The following CEP295 variants were observed in gnomAD, a reference collection of about 807,000 sequenced individuals.
CEP295 encodes centrosomal protein 295, also known as centrosomal protein of 295 kDa.
Under a neutral mutation model 291.6 loss-of-function variants are expected in CEP295, and 190 were observed. The observed-to-expected ratio is 0.65, with a 90% CI of 0.58 to 0.73. The LOEUF (loss-of-function observed/expected upper bound fraction) is 0.73, where lower values mean the gene tolerates loss of function less well. Ranked by LOEUF, CEP295 falls within the 30% of genes least tolerant of loss-of-function variation. The pLI is 0.00. For missense variants in CEP295, 2,863 were observed against 2,949.4 expected (o/e 0.97, Z 0.68); for synonymous variants, 993 against 1,038.8 (o/e 0.96, Z 0.85).
At chr11:93,710,857 A>G (rs181817796) in intron 18 of CEP295, among the ~76,000 whole-genome samples, 4 of 152,304 alleles carry the variant, frequency 2.6e-5, no homozygotes, top group Admixed American at 2.6e-4. Context: ...GTATGTGTCT[A>G]GGAATTTATT....
intron 12 of CEP295, among the ~76,000 whole-genome samples, chr11:93,693,880 A>G (rs952243886): frequency 6.6e-6 from 1 of 152,402 alleles, no homozygotes; most frequent in East Asian, 1.9e-4. Flanking sequence ...TGTTAGCCAC[A>G]TGGGCTGTTG....
intron 18 of CEP295, among the ~76,000 whole-genome samples, chr11:93,719,366 C>G (rs1367171313): frequency 6.6e-6 from 1 of 151,546 alleles, no homozygotes; most frequent in Non-Finnish European, 1.5e-5. Context: ...ATCCTGGGCT[C>G]AAACCATCCG....
At chr11:93,668,003 A>G (rs1950265717) in intron 3 of CEP295, among the ~76,000 whole-genome samples, 196 bp downstream of exon 3, 1 of 149,364 alleles carries the variant, frequency 6.7e-6, no homozygotes, top group Non-Finnish European at 1.5e-5. Flanking sequence ...AGTAAAATCC[A>G]TGTCAAATAA....
chr11:93,694,209 G>A (rs1264959232), intron 12 of CEP295, among the ~76,000 whole-genome samples: 1 of 152,116 alleles, frequency 6.6e-6, no homozygotes, highest in African/African-American at 2.4e-5. Flanking sequence ...AGAAAACAAC[G>A]TGCATTCCTT....
intron 15 of CEP295, among the ~76,000 whole-genome samples, chr11:93,701,430 C>G (rs1952150493): frequency 1.3e-5 from 2 of 152,108 alleles, no homozygotes; most frequent in African/African-American, 4.8e-5. Flanking sequence ...TTCTACAAAT[C>G]CTTTGATGTC....
intron 21 of CEP295, chr11:93,723,685 T>G (rs1953925108): frequency 6.1e-6 from 1 of 165,176 alleles, no homozygotes; most frequent in Admixed American, 6.0e-5. Flanking sequence ...TATTATAGAT[T>G]AAATGAGATA....
At chr11:93,682,596 TA>T (rs76550881) in intron 7 of CEP295, among the ~76,000 whole-genome samples, 53,314 of 149,200 alleles carry the variant, frequency 0.36, 9,897 homozygotes, top group South Asian at 0.49. Context: ...AGAAGGTTGT[TA>T]AAAAAAAAAA....
chr11:93,671,473 G>C (rs1350902916), intron 5 of CEP295, among the ~76,000 whole-genome samples: 1 of 152,068 alleles, frequency 6.6e-6, no homozygotes, highest in Non-Finnish European at 1.5e-5. Flanking sequence ...TCCTTGCTCT[G>C]TGCCCCAGCA....
At chr11:93,684,296 A>T (rs1023741067) in intron 9 of CEP295, among the ~76,000 whole-genome samples, 168 bp downstream of exon 9, 3 of 152,230 alleles carry the variant, frequency 2.0e-5, no homozygotes, top group African/African-American at 7.2e-5. Context: ...ATCATTGACG[A>T]TCCTTTTTCA....
rs553083646 is a variant in CEP295, at chr11:93,690,635, G to A, written c.1337-1048G>A. ...TAGTCCCAGCTACTCGGGAGCATGAGGCAGGAGAATGGTGTAAACCAGAGG... is the reference window on the plus strand; with the variant it reads ...TAGTCCCAGCTACTCGGGAGCATGAAGCAGGAGAATGGTGTAAACCAGAGG... On this transcript the variant is annotated intron_variant, in intron 10 of 29. Coordinates refer to ENST00000325212, the MANE Select transcript of CEP295 (RefSeq NM_033395.2). Among the ~76,000 whole-genome samples the A allele has an allele frequency of 3.3e-5, 5 of 150,436 alleles. No homozygotes were observed. The East Asian group carries it at 9.8e-4, about 30-fold the overall frequency.
chr11:93,707,744 G>A lies in CEP295; in HGVS notation c.5749+847G>A, dbSNP rs556082962. 5.3e-5 allele frequency among the ~76,000 whole-genome samples: 8 copies of A among 151,480 alleles called. 1 individual carries two copies. The East Asian group carries it at 1.2e-3, about 22-fold the overall frequency. On this transcript the variant is annotated intron_variant, in intron 18 of 29. Coordinates refer to ENST00000325212, the MANE Select transcript of CEP295 (RefSeq NM_033395.2). The stretch of plus-strand genomic sequence containing the variant: ...AGCCTGGGCGACAGAGCGAGACTCC[G>A]AGACTCCATCTGAAAAAAAAAAAGA...
In CEP295 at chr11:93,725,728, G is replaced by T; in HGVS notation, c.6396G>T (p.Arg2132Ser). 1 of 1,551,772 alleles carries T rather than the reference G, an allele frequency of 6.4e-7. No individual in the cohort carries two copies. Among genetic ancestry groups the T allele is most frequent in the Non-Finnish European group, 8.7e-7 (1 of 1,146,946 alleles). ...KSTVYFTALRRTSMHSSLNTS... is the reference protein window; with the variant it reads ...KSTVYFTALRSTSMHSSLNTS... Reference sequence around the variant, plus strand: ...CAGTTTATTTCACAGCACTGAGGAGGACCAGCATGCATTCTTCTCTTAACA... The same window carrying T: ...CAGTTTATTTCACAGCACTGAGGAGTACCAGCATGCATTCTTCTCTTAACA... The change falls in exon 23 of 30, where the codon AGG (arginine) becomes AGT (serine). Residue 2132 changes from arginine (R) to serine (S), a missense_variant. Physicochemically the swap from Arg to Ser is moderately radical, Grantham distance 110. Transcript: ENST00000325212.
chr11:93,725,080 TC>T (rs1168827197), intron 22 of CEP295, among the ~76,000 whole-genome samples: 1 of 151,466 alleles, frequency 6.6e-6, no homozygotes. Flanking sequence ...CATGGTGAAA[TC>T]CCATCTCTAC....
chr11:93,706,899 T>TG lies in CEP295; in HGVS notation c.5749+3dup, dbSNP rs1952546325. On this transcript the variant is annotated splice_region_variant and intron_variant, in intron 18 of 29. Transcript: ENST00000325212. ...GTGGTGATGACTATGATGAAGCAGG[T>TG]GAGAAATAAATGGAAAGTGGAATTG... 6.6e-7 allele frequency: 1 copy of TG among 1,526,592 alleles called. No individual in the cohort carries two copies. The highest frequency in any genetic ancestry group is 8.8e-7 in the Non-Finnish European group (1 of 1,133,516). 94.6% of individuals were successfully genotyped at this position (1,526,592 alleles called of 1,614,324 possible). A position where few individuals can be genotyped will look rare whatever the true frequency, so the allele number is the denominator to read the frequency against.
At chr11:93,716,758 A>C (rs1409393596) in intron 18 of CEP295, among the ~76,000 whole-genome samples, 2 of 152,272 alleles carry the variant, frequency 1.3e-5, no homozygotes, top group African/African-American at 2.4e-5. Flanking sequence ...TCAGGATTGC[A>C]CATGACCATC....
Position 93,727,001 on chromosome 11 carries a change from T to G in CEP295, c.6525T>G (p.Leu2175=), listed in dbSNP as rs1422783267. 2.6e-6 allele frequency: 4 copies of G among 1,536,802 alleles called. No homozygotes were observed. The Admixed American group carries it at 6.3e-5, about 24-fold the overall frequency. ...IGGSEQCFEQ[L]QPEYSSQEES... ...GATCTGAACAATGTTTTGAACAGCT[T>G]CAGCCAGAATATTCTTCACAGGAGG... The change falls in exon 24 of 30, where the codon CTT becomes CTG. Residue 2175 remains leucine, a synonymous_variant. Transcript: ENST00000325212.
At chr11:93,702,401 A>C (rs1952222582) in intron 15 of CEP295, 59 bp from the exon 16 acceptor site, 2 of 1,175,604 alleles carry the variant, frequency 1.7e-6, no homozygotes, top group Non-Finnish European at 2.3e-6. Context: ...AATCTAATGA[A>C]TAATGCTTCA....
chr11:93,667,933 T>C (rs1950262671), intron 3 of CEP295, 126 bp downstream of exon 3: 2 of 651,870 alleles, frequency 3.1e-6, no homozygotes, highest in South Asian at 4.3e-5. Context: ...GCTTGAACTT[T>C]TTTATAAATT....
chr11:93,681,403 ATTTTT>A (rs71064773), intron 7 of CEP295, among the ~76,000 whole-genome samples: 2 of 36,526 alleles, frequency 5.5e-5, no homozygotes, highest in African/African-American at 2.5e-4. Flanking sequence ...CACCCAGCTA[ATTTTT>A]TTTTTTTTTT....
Sources: gnomAD v4.1 joint callset for allele counts (sites outside exome capture counted in the v4.1 genomes callset) on GRCh38, gnomAD v4.1.1 for gene constraint, MANE v1.5 for transcripts, NCBI Gene and HGNC (gene_info 2026-07-23, HGNC 2026-07-21) for gene names.